The following GRB10 variants were observed in gnomAD, a reference collection of about 807,000 sequenced individuals.
GRB10 encodes the protein growth factor receptor-bound protein 10.
GRB10 carries 20 observed loss-of-function variants against 80.9 expected under a neutral mutation model. That is an observed-to-expected ratio of 0.25 (90% CI 0.17 to 0.36). The LOEUF (loss-of-function observed/expected upper bound fraction) is 0.36, where lower values mean the gene tolerates loss of function less well. Among genes scored for constraint, GRB10 ranks in the 10% least tolerant of loss-of-function variants. The probability of loss-of-function intolerance (pLI) is 1.00; values close to 1 mark genes in which losing one functional copy is unlikely to be tolerated. For synonymous variants in GRB10, 291 were observed against 291.5 expected, an observed-to-expected ratio of 1.00 and a Z score of 0.02; for missense variants, 548 against 747.7, an observed-to-expected ratio of 0.73 and a Z score of 3.12.
intron 2 of GRB10, chr7:50,761,598 G>A (rs1003088953): frequency 1.3e-5 from 2 of 152,228 alleles, no homozygotes; most frequent in Admixed American, 6.5e-5. Flanking sequence ...CACAATGGCA[G>A]TATCAGATGT....
chr7:50,629,871 C>T (rs1563214803), intron 7 of GRB10, among the ~76,000 whole-genome samples: 2 of 152,216 alleles, frequency 1.3e-5, no homozygotes, highest in South Asian at 4.1e-4. Context: ...AGTGTTCAAG[C>T]ATCTCACACG....
chr7:50,592,310 A>T lies in GRB10; in HGVS notation c.*642T>A, dbSNP rs965010567. 3.8e-5 allele frequency: 6 copies of T among 156,776 alleles called. No individual in the cohort carries two copies. The highest frequency in any genetic ancestry group is 1.4e-4 in the African/African-American group (6 of 41,448). The allele number at this position is 156,776 out of a possible 1,614,324, so 9.7% of individuals were successfully genotyped here. A position where few individuals can be genotyped will look rare whatever the true frequency, so the allele number is the denominator to read the frequency against. ...AATATGCCAAATGCCTACCACAGTG[A>T]CACCTTTTATTTTAACAAGAAAGCT... On this transcript the variant is annotated 3_prime_UTR_variant, in exon 19 of 19. Coordinates refer to ENST00000401949, the MANE Select transcript of GRB10 (RefSeq NM_001350814.2).
intron 17 of GRB10, among the ~76,000 whole-genome samples, chr7:50,598,199 C>T (rs537555590): frequency 6.6e-6 from 1 of 152,316 alleles, no homozygotes; most frequent in South Asian, 2.1e-4. Context: ...ATTGAGAAGA[C>T]CATGGCTGAT....
intron 4 of GRB10, among the ~76,000 whole-genome samples, chr7:50,723,446 C>T (rs1312056641): frequency 1.3e-5 from 2 of 152,196 alleles, no homozygotes; most frequent in Non-Finnish European, 2.9e-5. Context: ...GTTGTTTGGT[C>T]CCATCTTACA....
rs12530591 is a variant in GRB10, at chr7:50,773,683, A to C, written c.-217+6944T>G. Among the ~76,000 whole-genome samples, 568 of 152,332 alleles carry C rather than the reference A, an allele frequency of 3.7e-3. 2 individuals carry two copies. Among genetic ancestry groups the C allele is most frequent in the Middle Eastern group, 0.01 (3 of 294 alleles). The stretch of plus-strand genomic sequence containing the variant: ...CATAGAATTACCATATAATGAAGCA[A>C]TTATAATCTAGACATATATACAAAA... On this transcript the variant is annotated intron_variant, in intron 2 of 18. Coordinates refer to ENST00000401949, the MANE Select transcript of GRB10 (RefSeq NM_001350814.2).
At position 50,633,722 on chromosome 7, in the gene GRB10, A is replaced by AACAACT. The variant is rs560265308; in HGVS notation, c.505-6745_505-6744insAGTTGT. ...TAAAAACAAACAAAACAACAACAAC[A>AACAACT]ACTTTTGGAAATGAAAAGTTCACTA... On this transcript the variant is annotated intron_variant, in intron 7 of 18. Transcript: ENST00000401949. Among the ~76,000 whole-genome samples the AACAACT allele has an allele frequency of 3.3e-3, 497 of 151,928 alleles. 1 individual carries two copies. The highest frequency in any genetic ancestry group is 6.4e-3 in the Non-Finnish European group (434 of 67,932).
At chr7:50,652,068 G>A (rs2058061345) in intron 7 of GRB10, among the ~76,000 whole-genome samples, 1 of 152,166 alleles carries the variant, frequency 6.6e-6, no homozygotes, top group African/African-American at 2.4e-5. Flanking sequence ...GAAATTGTAG[G>A]TAGAATTTTG....
At chr7:50,766,645 C>A (rs1251269671) in intron 2 of GRB10, among the ~76,000 whole-genome samples, 1 of 152,122 alleles carries the variant, frequency 6.6e-6, no homozygotes, top group Non-Finnish European at 1.5e-5. Context: ...ATAAAGATCT[C>A]TCCTCTCCTC....
intron 2 of GRB10, among the ~76,000 whole-genome samples, chr7:50,774,395 A>G (rs2077361615): frequency 6.6e-6 from 1 of 152,240 alleles, no homozygotes; most frequent in Non-Finnish European, 1.5e-5. Flanking sequence ...ACTTATAAAG[A>G]ACAAAATCTA....
chr7:50,750,652 C>T (rs1030330771), intron 3 of GRB10, among the ~76,000 whole-genome samples: 2 of 152,190 alleles, frequency 1.3e-5, no homozygotes, highest in South Asian at 2.1e-4. Context: ...AGGTTTCCCA[C>T]GCCCACCCCC....
At chr7:50,601,854 G>A (rs933614217) in intron 17 of GRB10, among the ~76,000 whole-genome samples, 1 of 152,092 alleles carries the variant, frequency 6.6e-6, no homozygotes, top group African/African-American at 2.4e-5. Flanking sequence ...ATGAATCAGG[G>A]TCCCTGTGAG....
intron 8 of GRB10, among the ~76,000 whole-genome samples, chr7:50,623,782 T>C (rs1585860681): frequency 6.6e-6 from 1 of 152,180 alleles, no homozygotes; most frequent in East Asian, 1.9e-4. Flanking sequence ...AGGTTGAATA[T>C]CCCTTATCCT....
chr7:50,689,931 G>A (rs868749962), intron 5 of GRB10, among the ~76,000 whole-genome samples: 3 of 151,234 alleles, frequency 2.0e-5, no homozygotes, highest in African/African-American at 7.3e-5. Flanking sequence ...AAATAAGGAA[G>A]CATTCTACTT....
intron 6 of GRB10, among the ~76,000 whole-genome samples, chr7:50,673,100 C>T (rs1378543148): frequency 6.6e-6 from 1 of 152,172 alleles, no homozygotes; most frequent in Non-Finnish European, 1.5e-5. Context: ...AGATGTCAGA[C>T]CACAAAGAAA....
At chr7:50,769,525 T>G (rs565391663) in intron 2 of GRB10, among the ~76,000 whole-genome samples, 148 of 152,306 alleles carry the variant, frequency 9.7e-4, no homozygotes, top group Middle Eastern at 6.8e-3. Flanking sequence ...CATGAATGTC[T>G]CACCCTCCCT....
intron 7 of GRB10, among the ~76,000 whole-genome samples, chr7:50,666,346 G>A (rs779166994): frequency 3.9e-5 from 6 of 152,172 alleles, no homozygotes; most frequent in Non-Finnish European, 7.3e-5. Flanking sequence ...GAGCTCAGAG[G>A]GAGGCGGCAT....
intron 7 of GRB10, among the ~76,000 whole-genome samples, chr7:50,630,469 C>T (rs949582534): frequency 2.6e-5 from 4 of 152,186 alleles, no homozygotes; most frequent in African/African-American, 9.7e-5. Flanking sequence ...CTCCCTGGGA[C>T]GTGCTTGGAT....
chr7:50,777,035 T>C (rs900554020), intron 2 of GRB10, among the ~76,000 whole-genome samples: 24 of 50,816 alleles, frequency 4.7e-4, no homozygotes, highest in Non-Finnish European at 8.1e-4. Context: ...CCACTCTCAG[T>C]ATCAATTTCT....
rs1291586695 is a variant in GRB10 at position 50,611,847 on chromosome 7, A to G, written c.1194+894T>C. On this transcript the variant is annotated intron_variant, in intron 13 of 18. Coordinates refer to ENST00000401949, the MANE Select transcript of GRB10 (RefSeq NM_001350814.2). ...TGTAAAGAAATCCCTAGACCATTGT[A>G]TCCATTGGCTCCAGTTGACTAAACG... Among the ~76,000 whole-genome samples the G allele has an allele frequency of 3.3e-5, 5 of 152,230 alleles. No individual in the cohort carries two copies. In the East Asian group the frequency reaches 9.6e-4, roughly 29 times the overall value.
Sources: gnomAD v4.1 joint callset for allele counts (sites outside exome capture counted in the v4.1 genomes callset) on GRCh38, gnomAD v4.1.1 for gene constraint, MANE v1.5 for transcripts, NCBI Gene and HGNC (gene_info 2026-07-23, HGNC 2026-07-21) for gene names.